The following GAS2 variants were observed in gnomAD, a reference collection of about 807,000 sequenced individuals.
GAS2 encodes growth arrest specific 2.
GAS2 carries 20 observed loss-of-function variants against 37.5 expected under a neutral mutation model. That is an observed-to-expected ratio of 0.53 (90% CI 0.37 to 0.77). GAS2 has a LOEUF of 0.77. Ranked by LOEUF, GAS2 falls within the 30% of genes least tolerant of loss-of-function variation. GAS2 has a pLI of 0.00. For synonymous variants in GAS2, 144 were observed against 132.2 expected, an observed-to-expected ratio of 1.09 and a Z score of -0.61; for missense variants, 336 against 373.4, an observed-to-expected ratio of 0.90 and a Z score of 0.82.
At chr11:22,728,467 A>G (rs374844274) in intron 4 of GAS2, among the ~76,000 whole-genome samples, 1 of 151,780 alleles carries the variant, frequency 6.6e-6, no homozygotes, top group South Asian at 2.1e-4. Flanking sequence ...GAACTTTTAG[A>G]TGGCCTACTT....
intron 7 of GAS2, among the ~76,000 whole-genome samples, chr11:22,797,114 T>C (rs1856463827): frequency 6.6e-6 from 1 of 152,088 alleles, no homozygotes; most frequent in African/African-American, 2.4e-5. Flanking sequence ...CTAAGCCTTC[T>C]TAATTTCATT....
intron 3 of GAS2, among the ~76,000 whole-genome samples, chr11:22,712,803 G>A (rs867895336): frequency 3.3e-5 from 5 of 152,040 alleles, no homozygotes; most frequent in Admixed American, 6.6e-5. Context: ...AAGGCCGGGG[G>A]CAGTGGCTCA....
At chr11:22,766,763 A>G (rs1854718202) in intron 7 of GAS2, among the ~76,000 whole-genome samples, 1 of 152,184 alleles carries the variant, frequency 6.6e-6, no homozygotes, top group Non-Finnish European at 1.5e-5. Flanking sequence ...TTATTCTAGG[A>G]ATGAAGAAAC....
At chr11:22,640,765 C>T (rs1051286863) in intron 1 of GAS2, among the ~76,000 whole-genome samples, 35 of 152,002 alleles carry the variant, frequency 2.3e-4, no homozygotes, top group African/African-American at 8.0e-4. Context: ...TTTTTCACCA[C>T]GTATGTATAT....
chr11:22,663,190 C>T (rs1048329496), upstream of GAS2, among the ~76,000 whole-genome samples: 7 of 152,038 alleles, frequency 4.6e-5, no homozygotes, highest in South Asian at 2.1e-4. Flanking sequence ...ATGCGGGAAA[C>T]GGACCCCATG....
intron 1 of GAS2, among the ~76,000 whole-genome samples, chr11:22,650,075 A>G (rs985245118): frequency 6.6e-6 from 1 of 151,240 alleles, no homozygotes; most frequent in African/African-American, 2.4e-5. Context: ...ATTTCCCTCT[A>G]CACACTGCTT....
At chr11:22,696,543 G>A (rs959133076) in intron 3 of GAS2, among the ~76,000 whole-genome samples, 27 of 152,116 alleles carry the variant, frequency 1.8e-4, no homozygotes, top group African/African-American at 5.5e-4. Context: ...GGTTGAACTA[G>A]TTTACAGTCC....
At chr11:22,669,125 C>T (rs1388465187) in intron 1 of GAS2, among the ~76,000 whole-genome samples, 2 of 152,072 alleles carry the variant, frequency 1.3e-5, no homozygotes, top group Non-Finnish European at 2.9e-5. Flanking sequence ...GAATGTAGAA[C>T]CCTGCTGGTT....
chr11:22,789,133 GAGA>G (rs1469735135), intron 7 of GAS2, among the ~76,000 whole-genome samples: 8 of 150,342 alleles, frequency 5.3e-5, no homozygotes, highest in Non-Finnish European at 7.4e-5. Flanking sequence ...TACTGTAATA[GAGA>G]AGAAGTACAA....
chr11:22,647,773 T>G (rs1424859433), intron 1 of GAS2, among the ~76,000 whole-genome samples: 3 of 152,118 alleles, frequency 2.0e-5, no homozygotes, highest in Non-Finnish European at 2.9e-5. Flanking sequence ...TGGGGTTGTT[T>G]GTTTTTTTCT....
chr11:22,670,835 C>A (rs1044772030), intron 1 of GAS2, among the ~76,000 whole-genome samples: 1 of 152,072 alleles, frequency 6.6e-6, no homozygotes, highest in Non-Finnish European at 1.5e-5. Flanking sequence ...AATATTCTAT[C>A]CATTATTCAG....
At position 22,780,517 on chromosome 11, in the gene GAS2, C is replaced by T. The variant is rs535565559; in HGVS notation, c.723+24564C>T. On this transcript the variant is annotated intron_variant, in intron 7 of 7. Coordinates refer to ENST00000454584, the MANE Select transcript of GAS2 (RefSeq NM_001143830.3). ...TGGACCATATGTGTCTGAGACCTAC[C>T]ACTGTCTCTCTTTCTGGGCAACAGA... 1.0e-4 allele frequency among the ~76,000 whole-genome samples: 14 copies of T among 138,302 alleles called. 1 individual carries two copies. The South Asian group carries it at 2.1e-3, about 21-fold the overall frequency. 90.7% of individuals were successfully genotyped at this position (138,302 alleles called of 152,430 possible).
chr11:22,739,521 C>T (rs564561264), intron 5 of GAS2, among the ~76,000 whole-genome samples: 2 of 135,506 alleles, frequency 1.5e-5, no homozygotes, highest in East Asian at 2.2e-4. Flanking sequence ...TGCAGTGAGC[C>T]TAGATTGCAC....
chr11:22,703,506 A>T (rs1203284754), intron 3 of GAS2, among the ~76,000 whole-genome samples: 1 of 152,190 alleles, frequency 6.6e-6, no homozygotes, highest in East Asian at 1.9e-4. Flanking sequence ...CTATTTCTTA[A>T]AGGGAAACAT....
chr11:22,770,149 G>A (rs1854902791), intron 7 of GAS2, among the ~76,000 whole-genome samples: 1 of 152,146 alleles, frequency 6.6e-6, no homozygotes, highest in African/African-American at 2.4e-5. Flanking sequence ...GCCTGTGGGA[G>A]TAGGGGAGGT....
chr11:22,718,441 G>T (rs1290930213), intron 3 of GAS2, among the ~76,000 whole-genome samples: 1 of 146,100 alleles, frequency 6.8e-6, no homozygotes, highest in Non-Finnish European at 1.5e-5. Context: ...TGTGTTCTCA[G>T]TTATAAGTGG....
At chr11:22,711,989 C>T (rs937226796) in intron 3 of GAS2, among the ~76,000 whole-genome samples, 2 of 152,156 alleles carry the variant, frequency 1.3e-5, no homozygotes, top group African/African-American at 4.8e-5. Flanking sequence ...CCTGAGAAAC[C>T]TAAGCACTCA....
chr11:22,762,250 T>C (rs1854431596), intron 7 of GAS2, among the ~76,000 whole-genome samples: 1 of 152,200 alleles, frequency 6.6e-6, no homozygotes, highest in Non-Finnish European at 1.5e-5. Context: ...AGGACATGAC[T>C]GGAAAACCTT....
At chr11:22,698,064 T>A (rs1850628033) in intron 3 of GAS2, among the ~76,000 whole-genome samples, 1 of 152,106 alleles carries the variant, frequency 6.6e-6, no homozygotes, top group Non-Finnish European at 1.5e-5. Context: ...CCATTCAGTA[T>A]GATATTGGCT....
Sources: allele counts gnomAD v4.1 joint callset (sites outside exome capture counted in the v4.1 genomes callset), GRCh38; gene constraint gnomAD v4.1.1; transcripts MANE v1.5; gene names NCBI Gene and HGNC (gene_info 2026-07-23, HGNC 2026-07-21).